The following COL5A2 variants were observed in gnomAD, a reference collection of about 807,000 sequenced individuals.
COL5A2 encodes collagen alpha-2(V) chain.
COL5A2 carries 23 observed loss-of-function variants against 208.2 expected under a neutral mutation model. The ratio of observed to expected loss-of-function variants is 0.11; its 90% CI spans 0.08 to 0.16. COL5A2 has a LOEUF of 0.16. COL5A2 is among the 10% of genes least tolerant of loss of function. COL5A2 has a pLI of 1.00. For synonymous variants in COL5A2, 625 were observed against 628.5 expected, an observed-to-expected ratio of 0.99 and a Z score of 0.08; for missense variants, 1,590 against 1,956.4, an observed-to-expected ratio of 0.81 and a Z score of 3.53.
At chr2:189,424,505 C>T in the COL5A2 span, among the ~76,000 whole-genome samples, 1 of 151,932 alleles carries the variant, frequency 6.6e-6, no homozygotes, top group African/African-American at 2.4e-5. Context: ...AATCAACATA[C>T]AAAAGTCAGT....
chr2:189,293,908 A>T, the COL5A2 span, among the ~76,000 whole-genome samples: 1 of 152,028 alleles, frequency 6.6e-6, no homozygotes, highest in African/African-American at 2.4e-5. Context: ...ACACGGTGAA[A>T]CCCCATCTCT....
chr2:189,271,446 G>T, the COL5A2 span, among the ~76,000 whole-genome samples: 1 of 152,146 alleles, frequency 6.6e-6, no homozygotes, highest in Non-Finnish European at 1.5e-5. Flanking sequence ...GGGAAAACTG[G>T]CTAGCCATAT....
intron 16 of COL5A2, among the ~76,000 whole-genome samples, chr2:189,076,123 T>C (rs1365517896): frequency 6.6e-6 from 1 of 152,296 alleles, no homozygotes; most frequent in South Asian, 2.1e-4. Flanking sequence ...TTTCTCCCTC[T>C]GAAAAACCCT....
chr2:189,223,394 T>A (rs938517095), intron 1 of COL5A2, among the ~76,000 whole-genome samples: 1 of 152,144 alleles, frequency 6.6e-6, no homozygotes, highest in Admixed American at 6.6e-5. Flanking sequence ...ATTCTCCTCA[T>A]TCACTGAGTC....
the COL5A2 span, among the ~76,000 whole-genome samples, chr2:189,392,867 A>G: frequency 2.6e-5 from 4 of 152,178 alleles, no homozygotes; most frequent in African/African-American, 7.2e-5. Context: ...CAGACTAAGT[A>G]TCTACCCTAA....
chr2:189,261,043 T>C, the COL5A2 span, among the ~76,000 whole-genome samples: 91 of 152,288 alleles, frequency 6.0e-4, no homozygotes, highest in Middle Eastern at 6.8e-3. Context: ...AAAATGTTTA[T>C]AATTATTTTT....
At chr2:189,270,923 A>G in the COL5A2 span, among the ~76,000 whole-genome samples, 2 of 152,178 alleles carry the variant, frequency 1.3e-5, no homozygotes, top group Admixed American at 6.5e-5. Context: ...CAAAGAGAAT[A>G]AAATACCTAG....
intron 1 of COL5A2, among the ~76,000 whole-genome samples, chr2:189,131,573 A>T (rs1454214293): frequency 6.6e-6 from 1 of 152,174 alleles, no homozygotes; most frequent in Non-Finnish European, 1.5e-5. Context: ...GCCATTGGAC[A>T]TTGAAAATCT....
intron 1 of COL5A2, among the ~76,000 whole-genome samples, chr2:189,214,249 T>C (rs1008695716): frequency 5.3e-5 from 8 of 152,222 alleles, no homozygotes; most frequent in African/African-American, 1.9e-4. Flanking sequence ...CACAGCCTTA[T>C]TCTTTATGTC....
the COL5A2 span, among the ~76,000 whole-genome samples, chr2:189,263,570 T>C: frequency 6.6e-6 from 1 of 152,084 alleles, no homozygotes; most frequent in African/African-American, 2.4e-5. Context: ...AAGTGTAGAG[T>C]AATGCCCTAG....
At chr2:189,331,949 C>CAAAAAA in the COL5A2 span, among the ~76,000 whole-genome samples, 1 of 83,550 alleles carries the variant, frequency 1.2e-5, no homozygotes, top group Non-Finnish European at 2.3e-5. Flanking sequence ...GACTCCGTCT[C>CAAAAAA]AAAAAAAAAA....
intron 6 of COL5A2, among the ~76,000 whole-genome samples, chr2:189,092,797 T>C (rs1383243220): frequency 6.6e-6 from 1 of 152,208 alleles, no homozygotes; most frequent in African/African-American, 2.4e-5. Context: ...TCACTGAAAT[T>C]ACAGTGGATT....
intron 1 of COL5A2, among the ~76,000 whole-genome samples, chr2:189,142,141 G>A (rs1438965504): frequency 6.6e-6 from 1 of 151,880 alleles, no homozygotes; most frequent in Non-Finnish European, 1.5e-5. Context: ...TAATCTATAT[G>A]TTTTCATGTT....
rs186038384 is a variant in COL5A2, at chr2:189,054,672, C to T, written c.2392-460G>A. Among the ~76,000 whole-genome samples, 7 of 145,492 alleles carry T rather than the reference C, an allele frequency of 4.8e-5. No individual in the cohort carries two copies. In the East Asian group the frequency reaches 1.4e-3, roughly 29 times the overall value. On this transcript the variant is annotated intron_variant, in intron 35 of 53. Coordinates refer to ENST00000374866, the MANE Select transcript of COL5A2 (RefSeq NM_000393.5). ...TTTAAAAATTGAAATTGTGTTAAGG[C>T]ATTTTAGGTGTTTTTTCCTTTTTTT...
intron 1 of COL5A2, among the ~76,000 whole-genome samples, chr2:189,115,706 CTG>C (rs1420288246): frequency 2.0e-5 from 3 of 152,322 alleles, no homozygotes; most frequent in Non-Finnish European, 4.4e-5. Flanking sequence ...ACAGCCAGAA[CTG>C]TGTTTACCTC....
intron 23 of COL5A2, 97 bp from the exon 24 acceptor site, chr2:189,065,154 GAGCCATCATCA>G: frequency 8.7e-7 from 1 of 1,144,438 alleles, no homozygotes; most frequent in South Asian, 1.3e-5. Context: ...AAAGTTTTAG[GAGCCATCATCA>G]AGCCAACATG....
chr2:189,217,851 G>A (rs1251745258), intron 1 of COL5A2, among the ~76,000 whole-genome samples: 2 of 152,108 alleles, frequency 1.3e-5, no homozygotes, highest in African/African-American at 2.4e-5. Context: ...GAGCACATTC[G>A]AGGTGTCCCG....
intron 1 of COL5A2, among the ~76,000 whole-genome samples, chr2:189,113,426 T>C (rs1322006316): frequency 2.0e-5 from 3 of 151,986 alleles, no homozygotes; most frequent in Non-Finnish European, 4.4e-5. Flanking sequence ...GAGTGAGACC[T>C]GGACTCACAA....
chr2:189,263,468 A>T, the COL5A2 span, among the ~76,000 whole-genome samples: 193 of 152,258 alleles, frequency 1.3e-3, no homozygotes, highest in South Asian at 7.9e-3. Flanking sequence ...TTACCTAGTG[A>T]CGTAGCTTTC....
Sources: gnomAD v4.1 joint callset for allele counts (sites outside exome capture counted in the v4.1 genomes callset) on GRCh38, gnomAD v4.1.1 for gene constraint, MANE v1.5 for transcripts, NCBI Gene and HGNC (gene_info 2026-07-23, HGNC 2026-07-21) for gene names.